CHM: variants seen among roughly 807,000 people sequenced by gnomAD.
CHM encodes the protein CHM Rab escort protein.
A neutral mutation model predicts 49.0 loss-of-function variants in CHM; 10 were observed. The observed-to-expected ratio is 0.20, with a 90% confidence interval of 0.13 to 0.35. The LOEUF is 0.35. Ranked by LOEUF, CHM falls within the 10% of genes least tolerant of loss-of-function variation. CHM has a pLI of 1.00. For missense variants in CHM, 455 were observed against 478.4 expected (o/e 0.95, Z 0.46); for synonymous variants, 184 against 167.5 (o/e 1.10, Z -0.76).
chrX:85,992,847 G>T lies in CHM; in HGVS notation c.117-11038C>A, dbSNP rs73630489. ...CTTTGGCAATCAGATCAGCCTGCCA[G>T]AAAGAAATACCAGATCGTGTTCGCA... is the stretch of plus-strand genomic sequence containing the variant. On this transcript the variant is annotated intron_variant, in intron 2 of 14. Transcript: ENST00000357749. Among the ~76,000 whole-genome samples the T allele has an allele frequency of 7.1e-3, 798 of 112,492 alleles. 5 individuals are homozygous for T. The highest frequency in any genetic ancestry group is 0.023 in the African/African-American group (724 of 31,026).
At chrX:86,014,867 G>C (rs73240392) in intron 2 of CHM, among the ~76,000 whole-genome samples, 2,193 of 110,179 alleles carry the variant, frequency 0.02, 24 homozygotes, top group Admixed American at 0.048. Context: ...GGTACAAAAA[G>C]GCAAATCTAG....
intron 12 of CHM, among the ~76,000 whole-genome samples, chrX:85,889,561 G>A (rs747842766): frequency 8.9e-6 from 1 of 112,052 alleles, no homozygotes; most frequent in Non-Finnish European, 1.9e-5. Flanking sequence ...AACAGATGCT[G>A]TCCAGGCTGC....
intron 9 of CHM, among the ~76,000 whole-genome samples, chrX:85,901,421 AAAC>A (rs1926281262): frequency 9.0e-6 from 1 of 111,281 alleles, no homozygotes; most frequent in Non-Finnish European, 1.9e-5. Flanking sequence ...AATACAACTT[AAAC>A]ATGTATTTTG....
At chrX:85,959,537 C>T (rs1428121873) in intron 5 of CHM, among the ~76,000 whole-genome samples, 1 of 111,417 alleles carries the variant, frequency 9.0e-6, no homozygotes, top group Non-Finnish European at 1.9e-5. Flanking sequence ...GATGCATTTA[C>T]ACTGAAAAAG....
chrX:85,981,652 G>T, intron 3 of CHM, 85 bp downstream of exon 3: 1 of 641,472 alleles, frequency 1.6e-6, no homozygotes, highest in Non-Finnish European at 2.4e-6. Context: ...TGTTACAGGT[G>T]AAGCTTAGGG....
chrX:85,970,719 C>T (rs1341114042), intron 4 of CHM: 4 of 130,230 alleles, frequency 3.1e-5, no homozygotes, highest in Admixed American at 1.9e-4. Flanking sequence ...TTTTCATTTC[C>T]CTTCCATAAC....
intron 8 of CHM, among the ~76,000 whole-genome samples, chrX:85,943,300 A>C (rs1929227397): frequency 9.0e-6 from 1 of 111,542 alleles, no homozygotes; most frequent in Non-Finnish European, 1.9e-5. Flanking sequence ...GACACTTCTC[A>C]AAAGAAGACA....
At chrX:85,981,195 C>CATTTAT (rs1931570827) in intron 3 of CHM, among the ~76,000 whole-genome samples, 2 of 64,505 alleles carry the variant, frequency 3.1e-5, no homozygotes, top group Non-Finnish European at 6.0e-5. Flanking sequence ...CTTCAACCAA[C>CATTTAT]ATTTCTATTT....
rs1923565481 is a variant in CHM at position 85,864,492 on chromosome X, C to T, written c.*138G>A. The T allele has an allele frequency of 3.7e-6, 2 of 538,813 alleles. No homozygotes were observed. Among genetic ancestry groups the T allele is most frequent in the South Asian group, 2.6e-5 (1 of 37,783 alleles). The allele number at this position is 538,813 out of a possible 1,213,427, so 44.4% of individuals were successfully genotyped here. On this transcript the variant is annotated 3_prime_UTR_variant, in exon 15 of 15. Transcript: ENST00000357749. Reference sequence around the variant, plus strand: ...TGGAATGTCCTCTATAAGGAAAATCCCCTTTTGGATTTCTATTACCTATTT... The same window carrying T: ...TGGAATGTCCTCTATAAGGAAAATCTCCTTTTGGATTTCTATTACCTATTT...
At chrX:86,031,408 C>G (rs966883940) in intron 1 of CHM, among the ~76,000 whole-genome samples, 20 of 111,733 alleles carry the variant, frequency 1.8e-4, no homozygotes, top group African/African-American at 6.2e-4. Context: ...ACTTGAGCCT[C>G]TGAGGAATAG....
At chrX:85,941,526 G>A (rs1181269200) in intron 8 of CHM, among the ~76,000 whole-genome samples, 1 of 111,549 alleles carries the variant, frequency 9.0e-6, no homozygotes, top group African/African-American at 3.3e-5. Flanking sequence ...GCATTGCATT[G>A]AGACATTCCT....
intron 8 of CHM, among the ~76,000 whole-genome samples, chrX:85,938,704 T>C (rs770352576): frequency 9.0e-6 from 1 of 110,523 alleles, no homozygotes; most frequent in African/African-American, 3.3e-5. Flanking sequence ...CCCCCTAAAT[T>C]CCTGAAACCC....
At chrX:86,032,900 G>C (rs1247481708) in intron 1 of CHM, among the ~76,000 whole-genome samples, 1 of 111,550 alleles carries the variant, frequency 9.0e-6, no homozygotes, top group Non-Finnish European at 1.9e-5. Context: ...GAAGCTTATG[G>C]AATGTTATAT....
chrX:85,962,376 C>A (rs1483342116), intron 5 of CHM, among the ~76,000 whole-genome samples: 1 of 111,962 alleles, frequency 8.9e-6, no homozygotes, highest in Non-Finnish European at 1.9e-5. Context: ...TGAAGTAGAA[C>A]CAATGCAATA....
At chrX:86,020,099 A>G (rs991758465) in intron 2 of CHM, among the ~76,000 whole-genome samples, 3 of 111,394 alleles carry the variant, frequency 2.7e-5, no homozygotes, top group Non-Finnish European at 5.7e-5. Flanking sequence ...TCATGAACCC[A>G]ATTCACTTAG....
intron 2 of CHM, among the ~76,000 whole-genome samples, chrX:86,015,203 G>A (rs887800525): frequency 9.0e-6 from 1 of 110,838 alleles, no homozygotes; most frequent in Non-Finnish European, 1.9e-5. Context: ...TCATGGGGGC[G>A]GGTTTTACCC....
chrX:85,903,456 CAG>C (rs1256337778), intron 9 of CHM, among the ~76,000 whole-genome samples: 1 of 110,767 alleles, frequency 9.0e-6, no homozygotes, highest in Non-Finnish European at 1.9e-5. Flanking sequence ...CCTTTGGTGA[CAG>C]ACATTTGTTT....
intron 4 of CHM, chrX:85,970,905 A>G (rs1930859707): frequency 1.9e-5 from 14 of 725,478 alleles, no homozygotes; most frequent in African/African-American, 2.3e-5. Flanking sequence ...AACCTAGCCT[A>G]TGATAGAATA....
intron 8 of CHM, among the ~76,000 whole-genome samples, chrX:85,916,499 T>G (rs1275414994): frequency 9.0e-6 from 1 of 111,531 alleles, no homozygotes; most frequent in African/African-American, 3.3e-5. Flanking sequence ...AAAGAAACTA[T>G]CAACAGAGTA....
Sources: allele counts gnomAD v4.1 joint callset (sites outside exome capture counted in the v4.1 genomes callset), GRCh38; gene constraint gnomAD v4.1.1; transcripts MANE v1.5; gene names NCBI Gene and HGNC (gene_info 2026-07-23, HGNC 2026-07-21).